Variants in L3MBTL4 observed in about 807,000 individuals in gnomAD.
L3MBTL4 encodes the protein L3MBTL histone methyl-lysine binding protein 4.
A neutral mutation model predicts 84.5 loss-of-function variants in L3MBTL4; 70 were observed. That is an observed-to-expected ratio of 0.83 (90% CI 0.68 to 1.01). L3MBTL4 has a LOEUF of 1.01. Among genes scored for constraint, L3MBTL4 ranks in the 50% least tolerant of loss-of-function variants. The pLI is 0.00. For synonymous variants in L3MBTL4, 274 were observed against 259.8 expected, an observed-to-expected ratio of 1.05 and a Z score of -0.52; for missense variants, 715 against 754.8, an observed-to-expected ratio of 0.95 and a Z score of 0.62.
intron 14 of L3MBTL4, among the ~76,000 whole-genome samples, chr18:6,115,635 CCGAGCA>C (rs1310813723): frequency 6.6e-6 from 1 of 152,122 alleles, no homozygotes; most frequent in Non-Finnish European, 1.5e-5. Flanking sequence ...CTATCAGAAG[CCGAGCA>C]CATTTAAATG....
chr18:6,185,994 A>ATTTTATTTTATTTTATTTTATT, intron 12 of L3MBTL4, among the ~76,000 whole-genome samples: 1 of 146,080 alleles, frequency 6.8e-6, no homozygotes, highest in African/African-American at 2.7e-5. Context: ...ATTTTATTTT[A>ATTTTATTTTATTTTATTTTATT]TTATTTTATA....
At chr18:6,329,990 A>G (rs926243093) in intron 1 of L3MBTL4, among the ~76,000 whole-genome samples, 3 of 152,228 alleles carry the variant, frequency 2.0e-5, no homozygotes, top group African/African-American at 4.8e-5. Context: ...TTGTATGCAG[A>G]TGTAGACAGT....
chr18:5,973,357 C>T (rs983645343), intron 16 of L3MBTL4, among the ~76,000 whole-genome samples: 10 of 152,102 alleles, frequency 6.6e-5, no homozygotes, highest in Admixed American at 2.6e-4. Flanking sequence ...GTGTGGCAAC[C>T]GTGTCAGATG....
intron 1 of L3MBTL4, among the ~76,000 whole-genome samples, chr18:6,360,681 C>T (rs2053648782): frequency 6.6e-6 from 1 of 152,026 alleles, no homozygotes. Flanking sequence ...TGATTTGATG[C>T]TCTCAAGAAT....
At chr18:6,261,984 G>A (rs1231664900) in intron 5 of L3MBTL4, among the ~76,000 whole-genome samples, 2 of 152,172 alleles carry the variant, frequency 1.3e-5, no homozygotes, top group Non-Finnish European at 2.9e-5. Flanking sequence ...GGGGTGGGGT[G>A]TAAGAGAGGA....
chr18:6,403,027 T>G (rs756186457), intron 1 of L3MBTL4, among the ~76,000 whole-genome samples: 2 of 152,144 alleles, frequency 1.3e-5, no homozygotes, highest in African/African-American at 4.8e-5. Flanking sequence ...TTTAAATATG[T>G]GTGGGGTTTC....
intron 16 of L3MBTL4, among the ~76,000 whole-genome samples, chr18:5,986,962 T>G (rs1006348637): frequency 1.3e-5 from 2 of 152,192 alleles, no homozygotes; most frequent in African/African-American, 4.8e-5. Flanking sequence ...TTCTCCCTTC[T>G]CCTCCAGGCC....
chr18:6,371,465 T>C (rs1274882335), intron 1 of L3MBTL4, among the ~76,000 whole-genome samples: 2 of 152,078 alleles, frequency 1.3e-5, no homozygotes, highest in Admixed American at 1.3e-4. Context: ...CAGCCTCATG[T>C]TGGGAAAGAG....
At chr18:6,311,317 C>T (rs2050820178) in intron 3 of L3MBTL4, among the ~76,000 whole-genome samples, 1 of 151,892 alleles carries the variant, frequency 6.6e-6, no homozygotes, top group African/African-American at 2.4e-5. Flanking sequence ...TTACCTCCAC[C>T]TTTGTAAAAG....
chr18:6,063,666 T>C (rs535221736), intron 16 of L3MBTL4, among the ~76,000 whole-genome samples: 1 of 152,130 alleles, frequency 6.6e-6, no homozygotes, highest in African/African-American at 2.4e-5. Context: ...TTGAGAAATG[T>C]CTATTCATGT....
Position 6,270,294 on chromosome 18 carries a change from G to C in L3MBTL4, c.128-6256C>G, listed in dbSNP as rs548668755. Among the ~76,000 whole-genome samples the C allele has an allele frequency of 2.0e-5, 3 of 152,270 alleles. No individual in the cohort carries two copies. In the East Asian group the frequency reaches 5.8e-4, roughly 29 times the overall value. On this transcript the variant is annotated intron_variant, in intron 4 of 18. Coordinates refer to ENST00000317931, the MANE Select transcript of L3MBTL4 (RefSeq NM_001330559.2). Reference sequence around the variant, plus strand: ...CATGCTCTCCCTACATTTTTCACGTGCGCAGTCAGGCTGCTTTTCATTTCA... The same window carrying C: ...CATGCTCTCCCTACATTTTTCACGTCCGCAGTCAGGCTGCTTTTCATTTCA...
intron 1 of L3MBTL4, among the ~76,000 whole-genome samples, chr18:6,317,968 T>A (rs1363148477): frequency 1.3e-5 from 2 of 152,098 alleles, no homozygotes; most frequent in Admixed American, 1.3e-4. Flanking sequence ...TTAAACAGAA[T>A]AACTGAGAGC....
intron 16 of L3MBTL4, among the ~76,000 whole-genome samples, chr18:6,023,816 TA>T (rs2145528561): frequency 6.6e-6 from 1 of 152,330 alleles, no homozygotes; most frequent in South Asian, 2.1e-4. Flanking sequence ...ATCTGAAGTT[TA>T]AAACTTAGGT....
chr18:6,158,900 C>G (rs761866345), intron 13 of L3MBTL4, among the ~76,000 whole-genome samples: 7 of 152,158 alleles, frequency 4.6e-5, no homozygotes, highest in Non-Finnish European at 7.4e-5. Flanking sequence ...AAGCCACATA[C>G]AGAGTGGCTT....
intron 5 of L3MBTL4, among the ~76,000 whole-genome samples, chr18:6,247,419 G>A (rs945468043): frequency 1.5e-5 from 2 of 131,974 alleles, no homozygotes. Context: ...TCATTGTCTT[G>A]TATAGCACTG....
At chr18:6,131,581 G>A (rs1400344596) in intron 14 of L3MBTL4, among the ~76,000 whole-genome samples, 1 of 152,134 alleles carries the variant, frequency 6.6e-6, no homozygotes, top group Non-Finnish European at 1.5e-5. Flanking sequence ...GGAAACTCAA[G>A]CTAGAAATGA....
At chr18:5,967,064 C>T (rs142403627) in intron 17 of L3MBTL4, among the ~76,000 whole-genome samples, 1 of 152,334 alleles carries the variant, frequency 6.6e-6, no homozygotes, top group East Asian at 1.9e-4. Context: ...GTGCAATTCT[C>T]ATCTTCCTGA....
Position 6,241,554 on chromosome 18 carries a change from T to C in L3MBTL4, c.461-105A>G, listed in dbSNP as rs1039124341. The C allele has an allele frequency of 1.6e-5, 10 of 622,808 alleles. No homozygotes were observed. The African/African-American group carries it at 1.9e-4, about 12-fold the overall frequency. 38.6% of individuals were successfully genotyped at this position (622,808 alleles called of 1,614,324 possible). ...TAAGTGCGGTTTTGGCCATTACTTT[T>C]AATGGAAAAAAAACGCAATTACTTT... On this transcript the variant is annotated intron_variant, in intron 7 of 18. Transcript: ENST00000317931.
chr18:6,061,701 C>A (rs1568050195), intron 16 of L3MBTL4, among the ~76,000 whole-genome samples: 1 of 151,926 alleles, frequency 6.6e-6, no homozygotes, highest in African/African-American at 2.4e-5. Context: ...GTCTTCCTCT[C>A]TTTTTCTCCC....
Sources: gnomAD v4.1 joint callset for allele counts (sites outside exome capture counted in the v4.1 genomes callset) on GRCh38, gnomAD v4.1.1 for gene constraint, MANE v1.5 for transcripts, NCBI Gene and HGNC (gene_info 2026-07-23, HGNC 2026-07-21) for gene names.